The following PAPPA variants were observed in gnomAD, a reference collection of about 807,000 sequenced individuals.
PAPPA encodes the protein pappalysin 1, also known as pappalysin-1.
A neutral mutation model predicts 164.0 loss-of-function variants in PAPPA; 60 were observed. That is an observed-to-expected ratio of 0.37 (90% CI 0.30 to 0.45). PAPPA has a LOEUF of 0.45. Ranked by LOEUF, PAPPA falls within the 20% of genes least tolerant of loss-of-function variation. PAPPA has a pLI of 1.00. For synonymous variants in PAPPA, 875 were observed against 814.1 expected (o/e 1.07, Z -1.27); for missense variants, 1,782 against 2,087.3 (o/e 0.85, Z 2.85).
intron 2 of PAPPA, among the ~76,000 whole-genome samples, chr9:116,192,507 A>G (rs546080484): frequency 1.0e-3 from 155 of 152,122 alleles, no homozygotes; most frequent in African/African-American, 3.6e-3. Context: ...CTCAATAAAT[A>G]TTTGTTGAAT....
intron 5 of PAPPA, among the ~76,000 whole-genome samples, chr9:116,221,847 G>T (rs1844450676): frequency 6.6e-6 from 1 of 152,164 alleles, no homozygotes; most frequent in Non-Finnish European, 1.5e-5. Flanking sequence ...CACACAAATG[G>T]CCAACAGCTA....
intron 21 of PAPPA, among the ~76,000 whole-genome samples, chr9:116,391,215 AC>A (rs1846888522): frequency 6.6e-6 from 1 of 152,188 alleles, no homozygotes; most frequent in Non-Finnish European, 1.5e-5. Context: ...TAACTGTTCC[AC>A]GTTTTATGCC....
At chr9:116,394,340 G>C (rs1846933754) in intron 21 of PAPPA, among the ~76,000 whole-genome samples, 1 of 152,086 alleles carries the variant, frequency 6.6e-6, no homozygotes, top group Non-Finnish European at 1.5e-5. Context: ...TTGATCCTCA[G>C]AAAAAATGCA....
chr9:116,356,073 C>T (rs939366833), intron 17 of PAPPA, among the ~76,000 whole-genome samples: 8 of 152,028 alleles, frequency 5.3e-5, no homozygotes, highest in South Asian at 2.1e-4. Flanking sequence ...CAGATCCTGG[C>T]GGGAAAGGAT....
At chr9:116,243,639 G>A (rs143962980) in intron 7 of PAPPA, among the ~76,000 whole-genome samples, 114 of 152,288 alleles carry the variant, frequency 7.5e-4, no homozygotes, top group African/African-American at 2.6e-3. Flanking sequence ...TATCTTGATC[G>A]ATGGAGAAAA....
intron 4 of PAPPA, among the ~76,000 whole-genome samples, chr9:116,214,163 G>A (rs1844343203): frequency 6.6e-6 from 1 of 152,126 alleles, no homozygotes; most frequent in African/African-American, 2.4e-5. Context: ...GTAACTGAAC[G>A]ATTGAAATAC....
At chr9:116,217,512 CCT>C (rs778582680) in intron 4 of PAPPA, among the ~76,000 whole-genome samples, 24 of 152,108 alleles carry the variant, frequency 1.6e-4, no homozygotes, top group Admixed American at 4.6e-4. Flanking sequence ...CTATTTTACC[CCT>C]GTTTACCCAA....
Position 116,154,288 on chromosome 9 carries a change from G to A in PAPPA, c.116G>A (p.Arg39His). 1 of 977,152 alleles carries A rather than the reference G, an allele frequency of 1.0e-6. No individual in the cohort carries two copies. Among genetic ancestry groups the A allele is most frequent in the South Asian group, 4.6e-5 (1 of 21,684 alleles). The allele number at this position is 977,152 out of a possible 1,614,324, so 60.5% of individuals were successfully genotyped here. ...GACCCGCGGGCCGGCCGACCCCCGC[G>A]CCCCGCCGCCGGCCCGGCCACCTGC... is the stretch of plus-strand genomic sequence containing the variant. Reference protein sequence around the residue: ...RRDPRAGRPPRPAAGPATCAT... With the variant: ...RRDPRAGRPPHPAAGPATCAT... Residue 39 changes from arginine to histidine, a missense_variant, in exon 1 of 22, where the codon CGC becomes CAC. Arg to His is a conservative substitution (Grantham distance 29, BLOSUM62 0). Coordinates refer to ENST00000328252, the MANE Select transcript of PAPPA (RefSeq NM_002581.5). This position sits in a 1 kb window ranked among gnomAD's most constrained non-coding sequence, Gnocchi z 5.2.
At chr9:116,300,661 T>C (rs1323058322) in intron 9 of PAPPA, among the ~76,000 whole-genome samples, 3 of 152,166 alleles carry the variant, frequency 2.0e-5, no homozygotes, top group African/African-American at 7.2e-5. Flanking sequence ...AGTTCAGCAT[T>C]CTGGTGCCCC....
chr9:116,235,905 A>G (rs1844659099), intron 7 of PAPPA, among the ~76,000 whole-genome samples: 1 of 152,226 alleles, frequency 6.6e-6, no homozygotes, highest in Non-Finnish European at 1.5e-5. Flanking sequence ...AATCTTAGTC[A>G]TTCCAATAGT....
At chr9:116,209,317 C>T (rs1393174621) in intron 3 of PAPPA, among the ~76,000 whole-genome samples, 2 of 152,150 alleles carry the variant, frequency 1.3e-5, no homozygotes, top group African/African-American at 4.8e-5. Context: ...ATTCTCTTTC[C>T]TTCCTCAGGT....
At chr9:116,210,201 C>T (rs1256593184) in intron 3 of PAPPA, among the ~76,000 whole-genome samples, 1 of 152,154 alleles carries the variant, frequency 6.6e-6, no homozygotes, top group Non-Finnish European at 1.5e-5. Context: ...CCCGCACACT[C>T]ACATGCCCTC....
chr9:116,244,223 T>C (rs1054022492), intron 7 of PAPPA, among the ~76,000 whole-genome samples: 3 of 152,128 alleles, frequency 2.0e-5, no homozygotes, highest in Non-Finnish European at 4.4e-5. Flanking sequence ...GGTGAAGGGC[T>C]CCTGTTTGGT....
At chr9:116,381,754 T>G (rs1846734428) in intron 20 of PAPPA, among the ~76,000 whole-genome samples, 1 of 152,186 alleles carries the variant, frequency 6.6e-6, no homozygotes, top group Admixed American at 6.5e-5. Flanking sequence ...TCTCCGCATC[T>G]TCATCTGTAG....
intron 9 of PAPPA, among the ~76,000 whole-genome samples, chr9:116,299,499 G>GT (rs1845552664): frequency 6.6e-6 from 1 of 152,052 alleles, no homozygotes. Flanking sequence ...ATTCCGAGAG[G>GT]TTTTTTGCTA....
At chr9:116,339,961 T>C (rs538650648) in intron 13 of PAPPA, among the ~76,000 whole-genome samples, 1 of 152,254 alleles carries the variant, frequency 6.6e-6, no homozygotes, top group South Asian at 2.1e-4. Flanking sequence ...ATATTAAACA[T>C]ATAGATAAGA....
intron 9 of PAPPA, among the ~76,000 whole-genome samples, chr9:116,296,889 C>T (rs1222927436): frequency 6.6e-6 from 1 of 151,820 alleles, no homozygotes; most frequent in Non-Finnish European, 1.5e-5. Context: ...GAGTCTTGCT[C>T]TGTCACCCAG....
intron 7 of PAPPA, among the ~76,000 whole-genome samples, chr9:116,258,789 T>A (rs1203774168): frequency 6.6e-6 from 1 of 152,192 alleles, no homozygotes. Flanking sequence ...GACAAATAAT[T>A]TTAATACATA....
intron 1 of PAPPA, among the ~76,000 whole-genome samples, chr9:116,173,174 G>A (rs1213805174): frequency 3.3e-5 from 5 of 152,108 alleles, no homozygotes; most frequent in Non-Finnish European, 7.3e-5. Flanking sequence ...GCCCCAAAGA[G>A]CATCTAAACC....
Sources: gnomAD v4.1 joint callset for allele counts (sites outside exome capture counted in the v4.1 genomes callset) on GRCh38, gnomAD v4.1.1 for gene constraint, Gnocchi (gnomAD v3.1) non-coding constraint, MANE v1.5 for transcripts, NCBI Gene and HGNC (gene_info 2026-07-23, HGNC 2026-07-21) for gene names.